SMOC1: variants seen among roughly 807,000 people sequenced by gnomAD.
The protein encoded by SMOC1 is SPARC-related modular calcium-binding protein 1.
A neutral mutation model predicts 56.3 loss-of-function variants in SMOC1; 22 were observed. The ratio of observed to expected loss-of-function variants is 0.39; its 90% CI spans 0.28 to 0.56. The LOEUF (loss-of-function observed/expected upper bound fraction) is 0.56. Among genes scored for constraint, SMOC1 ranks in the 20% least tolerant of loss-of-function variants. The pLI is 0.61. For synonymous variants in SMOC1, 193 were observed against 215.0 expected (o/e 0.90, Z 0.89); for missense variants, 509 against 565.4 (o/e 0.90, Z 1.01).
At chr14:70,013,686 A>G (rs1885413429) in intron 10 of SMOC1, among the ~76,000 whole-genome samples, 195 bp downstream of exon 10, 1 of 152,236 alleles carries the variant, frequency 6.6e-6, no homozygotes, top group South Asian at 2.1e-4. Context: ...TACCTTCCCT[A>G]TTCTTTGGGA....
chr14:69,989,757 T>C (rs1279400735), intron 5 of SMOC1, among the ~76,000 whole-genome samples: 1 of 152,210 alleles, frequency 6.6e-6, no homozygotes, highest in Non-Finnish European at 1.5e-5. Flanking sequence ...GTGTGGGGCC[T>C]GGTGTTGCTC....
chr14:69,929,057 C>T (rs190490407), intron 1 of SMOC1, among the ~76,000 whole-genome samples: 279 of 152,262 alleles, frequency 1.8e-3, no homozygotes, highest in Admixed American at 2.9e-3. Context: ...GGAGTCTCCC[C>T]GGGGTTGCAA....
In SMOC1 at chr14:69,994,423, A is replaced by T; in HGVS notation, c.607A>T (p.Ile203Phe). Residue 203 changes from isoleucine (I) to phenylalanine (F), a missense_variant, in exon 7 of 12, where the codon ATT (isoleucine) becomes TTT (phenylalanine). This residue lies in a region of SMOC1 where 315 missense variants were observed against 333.1 expected (regional missense o/e 0.95). Transcript: ENST00000361956. ...AGAAATCACAGCCCCAACTCTATGG[A>T]TTAAACACTTGGTGATCAAGGACTC... Reference protein sequence around the residue: ...GDEITAPTLWIKHLVIKDSKL... With the variant: ...GDEITAPTLWFKHLVIKDSKL... 6.2e-7 allele frequency: 1 copy of T among 1,614,046 alleles called. No homozygotes were observed. The highest frequency in any genetic ancestry group is 8.5e-7 in the Non-Finnish European group (1 of 1,179,930).
At chr14:69,967,011 C>T (rs1396201759) in intron 3 of SMOC1, among the ~76,000 whole-genome samples, 1 of 152,178 alleles carries the variant, frequency 6.6e-6, no homozygotes, top group Non-Finnish European at 1.5e-5. Flanking sequence ...TTATAGCATC[C>T]TTCCTCACAT....
chr14:69,986,511 A>G (rs1043320875), intron 5 of SMOC1, among the ~76,000 whole-genome samples: 1 of 152,226 alleles, frequency 6.6e-6, no homozygotes, highest in Non-Finnish European at 1.5e-5. Context: ...TACCCATATC[A>G]TTATGCTAAC....
At chr14:70,014,511 T>G (rs1885441237) in intron 10 of SMOC1, among the ~76,000 whole-genome samples, 1 of 151,924 alleles carries the variant, frequency 6.6e-6, no homozygotes, top group Non-Finnish European at 1.5e-5. Flanking sequence ...TGGGCTGGGG[T>G]GGATAGGCGG....
chr14:70,026,391 G>A (rs943986619), intron 11 of SMOC1, among the ~76,000 whole-genome samples: 3 of 152,148 alleles, frequency 2.0e-5, no homozygotes, highest in African/African-American at 7.2e-5. Flanking sequence ...CAGATCCACC[G>A]AGCTCAGGGA....
intron 1 of SMOC1, among the ~76,000 whole-genome samples, chr14:69,929,991 T>G (rs926356452): frequency 3.3e-5 from 5 of 152,048 alleles, no homozygotes; most frequent in Non-Finnish European, 7.4e-5. Flanking sequence ...CGGCCCCACA[T>G]CTGTGGTGAC....
At chr14:69,953,290 T>C in intron 2 of SMOC1, 130 bp from the exon 3 acceptor site, 7 of 802,460 alleles carry the variant, frequency 8.7e-6, no homozygotes, top group East Asian at 7.4e-5. Context: ...ACGGCCCTTT[T>C]AGGGTTGGAC....
chr14:69,901,563 G>C (rs761093550), intron 1 of SMOC1, among the ~76,000 whole-genome samples: 46 of 152,166 alleles, frequency 3.0e-4, no homozygotes, highest in Non-Finnish European at 5.7e-4. Flanking sequence ...TGTTGTGTTT[G>C]CATCTGTTCC....
At chr14:69,993,733 TG>T (rs1403532921) in intron 6 of SMOC1, among the ~76,000 whole-genome samples, 1 of 152,174 alleles carries the variant, frequency 6.6e-6, no homozygotes, top group Non-Finnish European at 1.5e-5. Flanking sequence ...TCTGGGACCC[TG>T]GGGGGTCAGG....
chr14:70,003,510 A>G (rs950889091), intron 7 of SMOC1, among the ~76,000 whole-genome samples: 3 of 152,206 alleles, frequency 2.0e-5, no homozygotes, highest in African/African-American at 7.2e-5. Flanking sequence ...GTGTCAGACT[A>G]GAATTCTGTG....
intron 7 of SMOC1, among the ~76,000 whole-genome samples, chr14:70,002,671 G>A (rs186748663): frequency 2.0e-5 from 3 of 152,302 alleles, no homozygotes; most frequent in East Asian, 3.9e-4. Context: ...GGGCAGAGTC[G>A]GCCCAGCAAA....
At chr14:69,949,448 T>G in intron 1 of SMOC1, among the ~76,000 whole-genome samples, 1 of 152,216 alleles carries the variant, frequency 6.6e-6, no homozygotes, top group East Asian at 1.9e-4. Context: ...GACATCGTTC[T>G]CATCTTCATG....
At chr14:69,903,335 C>T (rs553169641) in intron 1 of SMOC1, among the ~76,000 whole-genome samples, 8 of 151,864 alleles carry the variant, frequency 5.3e-5, no homozygotes, top group Middle Eastern at 3.4e-3. Context: ...GGAGCCCCTC[C>T]GCCCGGCAGC....
At chr14:70,001,946 T>C (rs947965209) in intron 7 of SMOC1, among the ~76,000 whole-genome samples, 2 of 152,206 alleles carry the variant, frequency 1.3e-5, no homozygotes, top group Non-Finnish European at 2.9e-5. Context: ...CTTCAGAACC[T>C]CCTAACATGC....
intron 3 of SMOC1, among the ~76,000 whole-genome samples, chr14:69,973,996 A>T (rs1428467530): frequency 6.6e-6 from 1 of 152,220 alleles, no homozygotes; most frequent in East Asian, 1.9e-4. Context: ...TGAGATCTAC[A>T]TTTAATGTAG....
chr14:70,002,506 C>A (rs1419088102), intron 7 of SMOC1, among the ~76,000 whole-genome samples: 1 of 152,164 alleles, frequency 6.6e-6, no homozygotes, highest in Non-Finnish European at 1.5e-5. Flanking sequence ...GGAAAGGAGC[C>A]CTGAGCAATG....
chr14:69,989,352 TC>T (rs1357400714), intron 5 of SMOC1, among the ~76,000 whole-genome samples: 1 of 152,258 alleles, frequency 6.6e-6, no homozygotes, highest in Admixed American at 6.5e-5. Context: ...GAAATGTCTG[TC>T]AAAATATGTT....
Sources: gnomAD v4.1 joint callset for allele counts (sites outside exome capture counted in the v4.1 genomes callset) on GRCh38, gnomAD v4.1.1 for gene constraint, gnomAD v4.1.1 regional missense constraint, MANE v1.5 for transcripts, NCBI Gene and HGNC (gene_info 2026-07-23, HGNC 2026-07-21) for gene names.